KCNQ5: variants seen among roughly 807,000 people sequenced by gnomAD.
The protein encoded by KCNQ5 is potassium voltage-gated channel subfamily KQT member 5.
KCNQ5 carries 30 observed loss-of-function variants against 98.2 expected under a neutral mutation model. The ratio of observed to expected loss-of-function variants is 0.31; its 90% CI spans 0.23 to 0.41. The LOEUF (loss-of-function observed/expected upper bound fraction) is 0.41, where lower values mean the gene tolerates loss of function less well. Among genes scored for constraint, KCNQ5 ranks in the 10% least tolerant of loss-of-function variants. The pLI is 1.00. For missense variants in KCNQ5, 835 were observed against 1,182.5 expected (o/e 0.71, Z 4.31); for synonymous variants, 458 against 449.4 (o/e 1.02, Z -0.24).
At chr6:73,162,596 A>T (rs941660033) in intron 10 of KCNQ5, among the ~76,000 whole-genome samples, 1 of 152,232 alleles carries the variant, frequency 6.6e-6, no homozygotes, top group African/African-American at 2.4e-5. Context: ...CTGGAAATAT[A>T]GCCCCTCCTA....
chr6:72,796,241 T>C (rs1170808652), intron 1 of KCNQ5, among the ~76,000 whole-genome samples: 1 of 152,196 alleles, frequency 6.6e-6, no homozygotes, highest in Non-Finnish European at 1.5e-5. Context: ...GCCAAGTCCT[T>C]TGTACAAAGG....
intron 1 of KCNQ5, among the ~76,000 whole-genome samples, chr6:72,967,407 G>A (rs148227278): frequency 2.1e-3 from 316 of 152,164 alleles, no homozygotes; most frequent in Middle Eastern, 3.4e-3. Context: ...TTTAATTCAA[G>A]ATAAATAAAT....
intron 1 of KCNQ5, chr6:72,987,739 C>T: frequency 1.9e-6 from 1 of 517,452 alleles, no homozygotes; most frequent in Non-Finnish European, 3.5e-6. Context: ...GTTAGCCAAG[C>T]TGGAAGATTA....
intron 1 of KCNQ5, among the ~76,000 whole-genome samples, chr6:72,717,662 G>A (rs1006448464): frequency 3.3e-5 from 5 of 152,102 alleles, no homozygotes; most frequent in Admixed American, 6.5e-5. Flanking sequence ...CATTAACCAC[G>A]TATTTAAGGG....
intron 1 of KCNQ5, among the ~76,000 whole-genome samples, chr6:72,939,004 T>C (rs963456364): frequency 6.6e-6 from 1 of 152,194 alleles, no homozygotes; most frequent in African/African-American, 2.4e-5. Context: ...ATCTAAAACT[T>C]GCAAAAACTC....
At chr6:73,021,440 T>G (rs769241661) in intron 2 of KCNQ5, among the ~76,000 whole-genome samples, 8 of 152,208 alleles carry the variant, frequency 5.3e-5, no homozygotes, top group Non-Finnish European at 1.2e-4. Flanking sequence ...TTTTATTGTC[T>G]TTATAGAATT....
intron 1 of KCNQ5, among the ~76,000 whole-genome samples, chr6:72,935,029 A>G (rs1376313760): frequency 2.0e-5 from 3 of 148,818 alleles, no homozygotes; most frequent in Non-Finnish European, 4.5e-5. Flanking sequence ...AAAACTTCCA[A>G]CTTTAACTGA....
intron 1 of KCNQ5, among the ~76,000 whole-genome samples, chr6:72,648,774 A>ATT (rs779577842): frequency 2.3e-5 from 3 of 129,926 alleles, no homozygotes; most frequent in African/African-American, 6.4e-5. Context: ...ATGGGCCTTC[A>ATT]TTTTTTTTTT....
intron 2 of KCNQ5, among the ~76,000 whole-genome samples, chr6:73,006,090 C>T (rs1769799301): frequency 1.3e-5 from 2 of 152,072 alleles, no homozygotes; most frequent in African/African-American, 2.4e-5. Flanking sequence ...AATGAGTTAA[C>T]ATAGTATATT....
At chr6:73,072,567 A>T (rs1055672426) in intron 3 of KCNQ5, among the ~76,000 whole-genome samples, 1 of 152,204 alleles carries the variant, frequency 6.6e-6, no homozygotes, top group African/African-American at 2.4e-5. Context: ...TGATCAATTC[A>T]TATTGATTTT....
chr6:72,628,303 G>A (rs1446173067), intron 1 of KCNQ5, among the ~76,000 whole-genome samples: 4 of 152,176 alleles, frequency 2.6e-5, no homozygotes, highest in Admixed American at 2.6e-4. Flanking sequence ...TAGGAGATTA[G>A]TGCTTTGCTT....
rs1332256563 is a variant in KCNQ5 at position 72,622,617 on chromosome 6, C to T, written c.398+30C>T. 1.9e-6 allele frequency: 3 copies of T among 1,608,956 alleles called. No individual in the cohort carries two copies. The Admixed American group carries it at 5.0e-5, about 27-fold the overall frequency. On this transcript the variant is annotated intron_variant, in intron 1 of 13. Transcript: ENST00000370398. The surrounding 1 kb of genome is among the most constrained non-coding windows in gnomAD (Gnocchi z 6.0). ...GTACCCGCGCCCCCTGCTATGCCCGCTGCAGGGGACCACTGTCCCTGGCCC... is the reference window on the plus strand; with the variant it reads ...GTACCCGCGCCCCCTGCTATGCCCGTTGCAGGGGACCACTGTCCCTGGCCC...
chr6:72,797,201 A>G (rs1468125397), intron 1 of KCNQ5, among the ~76,000 whole-genome samples: 1 of 152,184 alleles, frequency 6.6e-6, no homozygotes, highest in Non-Finnish European at 1.5e-5. Flanking sequence ...CCCATGAACT[A>G]TAAAATTCTT....
At chr6:72,875,216 C>T (rs1778363267) in intron 1 of KCNQ5, among the ~76,000 whole-genome samples, 1 of 152,224 alleles carries the variant, frequency 6.6e-6, no homozygotes, top group African/African-American at 2.4e-5. Context: ...GCCACAGCCA[C>T]ACAATCCCTT....
At chr6:73,029,747 C>T (rs1283590902) in intron 2 of KCNQ5, among the ~76,000 whole-genome samples, 6 of 151,426 alleles carry the variant, frequency 4.0e-5, no homozygotes, top group Admixed American at 4.0e-4. Context: ...TCCTGCCTAA[C>T]ACGGTGAAAC....
At chr6:73,190,503 C>A in intron 11 of KCNQ5, 70 bp from the exon 12 acceptor site, 2 of 798,030 alleles carry the variant, frequency 2.5e-6, no homozygotes, top group Non-Finnish European at 3.5e-6. Context: ...ATTATATTTA[C>A]TGGTAAACTA....
At chr6:72,823,205 A>G (rs972253039) in intron 1 of KCNQ5, among the ~76,000 whole-genome samples, 2 of 152,194 alleles carry the variant, frequency 1.3e-5, no homozygotes, top group African/African-American at 4.8e-5. Flanking sequence ...TTGAAAATAA[A>G]CATGTTAATA....
At chr6:72,779,487 T>C (rs1293618620) in intron 1 of KCNQ5, among the ~76,000 whole-genome samples, 1 of 152,182 alleles carries the variant, frequency 6.6e-6, no homozygotes, top group Non-Finnish European at 1.5e-5. Flanking sequence ...CTTATTCATT[T>C]TTTTTTCCTA....
intron 1 of KCNQ5, among the ~76,000 whole-genome samples, chr6:72,873,942 A>T: frequency 6.6e-6 from 1 of 152,058 alleles, no homozygotes; most frequent in Admixed American, 6.6e-5. Flanking sequence ...ATAAACCATT[A>T]CACTCAGTGA....
Sources: gnomAD v4.1 joint callset for allele counts (sites outside exome capture counted in the v4.1 genomes callset) on GRCh38, gnomAD v4.1.1 for gene constraint, Gnocchi (gnomAD v3.1) non-coding constraint, MANE v1.5 for transcripts, NCBI Gene and HGNC (gene_info 2026-07-23, HGNC 2026-07-21) for gene names.